The following RFC1 variants were observed in gnomAD, a reference collection of about 807,000 sequenced individuals.
RFC1 encodes the protein A1 140 kDa subunit.
RFC1 carries 37 observed loss-of-function variants against 137.4 expected under a neutral mutation model. The observed-to-expected ratio is 0.27, with a 90% CI of 0.21 to 0.35. RFC1 has a LOEUF of 0.35. RFC1 is among the 10% of genes least tolerant of loss of function. RFC1 has a pLI of 1.00. For synonymous variants in RFC1, 429 were observed against 455.7 expected, an observed-to-expected ratio of 0.94 and a Z score of 0.75; for missense variants, 1,205 against 1,358.5, an observed-to-expected ratio of 0.89 and a Z score of 1.78.
At chr4:39,325,103 TTTTC>T (rs984729195) in intron 6 of RFC1, among the ~76,000 whole-genome samples, 16 of 152,216 alleles carry the variant, frequency 1.1e-4, no homozygotes, top group African/African-American at 3.6e-4. Context: ...CCTTTCTTTC[TTTTC>T]TATTTGCATT....
intron 9 of RFC1, among the ~76,000 whole-genome samples, chr4:39,320,061 C>T (rs1478605411): frequency 6.6e-6 from 1 of 152,280 alleles, no homozygotes; most frequent in Admixed American, 6.5e-5. Flanking sequence ...TAGAAAGTTC[C>T]TACCAAGGCC....
intron 22 of RFC1, among the ~76,000 whole-genome samples, chr4:39,292,979 G>A (rs1185969326): frequency 4.6e-5 from 7 of 152,104 alleles, no homozygotes; most frequent in African/African-American, 1.4e-4. Context: ...GTTGTTATCA[G>A]AACCAGCATC....
chr4:39,288,584 A>G lies in RFC1; in HGVS notation c.*177T>C. Reference sequence around the variant, plus strand: ...TCCTATCAACCTCTATAAGAGGTGTACATAAGCCTACTGCTCATACCCTTC... The same window carrying G: ...TCCTATCAACCTCTATAAGAGGTGTGCATAAGCCTACTGCTCATACCCTTC... On this transcript the variant is annotated 3_prime_UTR_variant, in exon 25 of 25. Coordinates refer to ENST00000349703, the MANE Select transcript of RFC1 (RefSeq NM_002913.5). 5.1e-6 allele frequency: 3 copies of G among 589,856 alleles called. No individual in the cohort carries two copies. The highest frequency in any genetic ancestry group is 9.2e-6 in the Non-Finnish European group (3 of 327,026). The allele number at this position is 589,856 out of a possible 1,614,324, so 36.5% of individuals were successfully genotyped here.
rs1560591601 is a variant in RFC1 at position 39,300,419 on chromosome 4, A to C, written c.2536-5T>G. On this transcript the variant is annotated splice_polypyrimidine_tract_variant and splice_region_variant and intron_variant, in intron 19 of 24. Transcript: ENST00000349703. ...CCGGGCAACATCAAATGGGCCCTGA[A>C]AAAAGAGAGGGACACACCTATTAGA... The C allele has an allele frequency of 3.7e-6, 6 of 1,612,968 alleles. No individual in the cohort carries two copies. In the South Asian group the frequency reaches 6.6e-5, roughly 18 times the overall value.
chr4:39,328,827 A>C (rs1739922761), intron 4 of RFC1, among the ~76,000 whole-genome samples: 1 of 152,102 alleles, frequency 6.6e-6, no homozygotes. Flanking sequence ...ATGCAGGGAG[A>C]CCACTTAGAA....
In RFC1 at chr4:39,312,797, A is replaced by C. The variant is rs758157010; in HGVS notation, c.1338T>G (p.Asn446Lys). ...KVTGNVSKKT[N>K]YLVMGRDSGQ... is the part of the protein sequence containing the mutation. ...CACTATCACGACCCATGACAAGATA[A>C]TTTGTTTTCTTGCTGACATTTCCTG... The change falls in exon 11 of 25, where the codon AAT becomes AAG. Residue 446 changes from asparagine to lysine, a missense_variant. Around this residue, in one of 3 missense-constraint regions of RFC1, gnomAD observed 962 missense variants for 1,035.3 expected, o/e 0.93. Coordinates refer to ENST00000349703, the MANE Select transcript of RFC1 (RefSeq NM_002913.5). The C allele has an allele frequency of 4.3e-6, 7 of 1,614,092 alleles. No homozygotes were observed. Among genetic ancestry groups the C allele is most frequent in the Non-Finnish European group, 5.9e-6 (7 of 1,180,010 alleles).
chr4:39,347,103 A>G (rs1008050354), intron 2 of RFC1, among the ~76,000 whole-genome samples: 1 of 152,244 alleles, frequency 6.6e-6, no homozygotes, highest in African/African-American at 2.4e-5. Flanking sequence ...ACATGCAAAG[A>G]GGAAATGTGA....
chr4:39,311,665 T>G (rs1578125384), intron 11 of RFC1, 116 bp from the exon 12 acceptor site: 1 of 613,704 alleles, frequency 1.6e-6, no homozygotes, highest in Non-Finnish European at 2.8e-6. Flanking sequence ...ATTCGTAAAT[T>G]AAGATAACAC....
At chr4:39,348,656 T>C (rs1330866093) in intron 2 of RFC1, among the ~76,000 whole-genome samples, 1 of 151,916 alleles carries the variant, frequency 6.6e-6, no homozygotes, top group Non-Finnish European at 1.5e-5. Context: ...AACACAGCTA[T>C]TCTTCAAGAA....
chr4:39,299,688 AGTATTATAATCT>A (rs1738242524), intron 21 of RFC1, among the ~76,000 whole-genome samples: 1 of 151,922 alleles, frequency 6.6e-6, no homozygotes, highest in Non-Finnish European at 1.5e-5. Flanking sequence ...GTTACCACAG[AGTATTATAATCT>A]GTAACAGACT....
chr4:39,295,271 TATTA>T (rs1737921720), intron 22 of RFC1, among the ~76,000 whole-genome samples: 1 of 152,244 alleles, frequency 6.6e-6, no homozygotes, highest in African/African-American at 2.4e-5. Context: ...ATTATTTTCC[TATTA>T]ATTATTCTGA....
At chr4:39,363,668 A>G (rs1000783914) in intron 1 of RFC1, among the ~76,000 whole-genome samples, 4 of 151,124 alleles carry the variant, frequency 2.6e-5, no homozygotes, top group African/African-American at 4.9e-5. Context: ...AGGTGGATCA[A>G]CTTGAGGCCA....
chr4:39,316,443 G>A (rs1279903121), intron 10 of RFC1, among the ~76,000 whole-genome samples: 2 of 151,782 alleles, frequency 1.3e-5, no homozygotes, highest in African/African-American at 4.8e-5. Flanking sequence ...AGACCACCAC[G>A]CCATCACAAC....
intron 1 of RFC1, among the ~76,000 whole-genome samples, chr4:39,358,990 C>T (rs1741616536): frequency 6.6e-6 from 1 of 152,178 alleles, no homozygotes; most frequent in African/African-American, 2.4e-5. Flanking sequence ...TGCAAATCTC[C>T]CAAAGGTGCC....
Position 39,316,931 on chromosome 4 carries a change from G to A in RFC1, c.1187C>T (p.Ser396Phe), listed in dbSNP as rs773949787. The A allele has an allele frequency of 6.2e-7, 1 of 1,613,024 alleles. No individual in the cohort carries two copies. The highest frequency in any genetic ancestry group is 8.5e-7 in the Non-Finnish European group (1 of 1,179,126). ...TACTCTTACCTTTGGTATTTCTTTG[G>A]AGCCCAGAGCCTTGGGACCTTCTCG... ...LNREGPKALG[S>F]KEIPKGAENC... The change falls in exon 10 of 25, where the codon TCC (serine) becomes TTC (phenylalanine). Residue 396 changes from serine to phenylalanine, a missense_variant. Around this residue, in one of 3 missense-constraint regions of RFC1, gnomAD observed 962 missense variants for 1,035.3 expected, o/e 0.93. Transcript: ENST00000349703.
intron 21 of RFC1, chr4:39,296,036 C>T (rs1242192385): frequency 3.5e-6 from 1 of 285,938 alleles, no homozygotes; most frequent in Non-Finnish European, 6.5e-6. Context: ...CTAATCTCAA[C>T]ATACCGGTTA....
intron 22 of RFC1, among the ~76,000 whole-genome samples, chr4:39,295,259 C>T (rs1319727512): frequency 2.2e-4 from 33 of 152,150 alleles, no homozygotes; most frequent in Admixed American, 6.5e-5. Flanking sequence ...TTAAATAGTT[C>T]AATTATTTTC....
At chr4:39,298,471 G>A (rs1033651554) in intron 21 of RFC1, among the ~76,000 whole-genome samples, 3 of 152,088 alleles carry the variant, frequency 2.0e-5, no homozygotes, top group African/African-American at 7.2e-5. Context: ...CTATACAAAA[G>A]TCAAAAAGAA....
intron 7 of RFC1, chr4:39,321,613 C>T: frequency 5.7e-6 from 2 of 352,422 alleles, no homozygotes; most frequent in Non-Finnish European, 5.1e-6. Context: ...AAAATTATCT[C>T]TCTTCATCCC....
Sources: gnomAD v4.1 joint callset for allele counts (sites outside exome capture counted in the v4.1 genomes callset) on GRCh38, gnomAD v4.1.1 for gene constraint, gnomAD v4.1.1 regional missense constraint, MANE v1.5 for transcripts, NCBI Gene and HGNC (gene_info 2026-07-23, HGNC 2026-07-21) for gene names.